Variants in EPPK1 observed in about 807,000 individuals in gnomAD.
The protein encoded by EPPK1 is epiplakin 1.
For missense variants in EPPK1, 3,823 were observed against 3,673.3 expected, an observed-to-expected ratio of 1.04 and a Z score of -1.05; for synonymous variants, 1,862 against 1,721.2, an observed-to-expected ratio of 1.08 and a Z score of -2.03.
rs782588321 is a variant in EPPK1 at position 143,872,231 on chromosome 8, C to G, written c.1023G>C (p.Glu341Asp). The change falls in exon 2 of 2, where the codon GAG becomes GAC. Residue 341 changes from glutamate (E) to aspartate (D), a missense_variant. Transcript: ENST00000615648. Reference protein sequence around the residue: ...PITGQRLWVDEAVRAGLVSPE... With the variant: ...PITGQRLWVDDAVRAGLVSPE... ...GGCTGACCAGGCCCGCCCTGACTGC[C>G]TCGTCTACCCACAGCCGCTGGCCTG... 5.0e-6 allele frequency: 8 copies of G among 1,609,598 alleles called. No homozygotes were observed. The highest frequency in any genetic ancestry group is 5.9e-6 in the Non-Finnish European group (7 of 1,178,526).
Position 143,871,803 on chromosome 8 carries a change from T to C in EPPK1, c.1451A>G (p.Lys484Arg). The C allele has an allele frequency of 1.2e-6, 2 of 1,612,256 alleles. No homozygotes were observed. The highest frequency in any genetic ancestry group is 1.1e-5 in the South Asian group (1 of 91,054). The change falls in exon 2 of 2, where the codon AAG becomes AGG. Residue 484 changes from lysine to arginine, a missense_variant. Transcript: ENST00000615648. The stretch of plus-strand genomic sequence containing the variant: ...GCTCAGGGCCTGCCGAGTGCTGTAC[T>C]TGATGAATGGGGGTCCCTGGGGCTC... ...GGEPQGPPFI[K>R]YSTRQALSTA...
At position 143,869,160 on chromosome 8, in the gene EPPK1, A is replaced by G; in HGVS notation, c.4094T>C (p.Val1365Ala). The change falls in exon 2 of 2, where the codon GTG becomes GCG. Residue 1365 changes from valine to alanine, a missense_variant. Val to Ala is a moderately conservative substitution (Grantham distance 64). Transcript: ENST00000615648. ...LLQVQLATGG[V>A]VDPVHGVHLP... ...GTGCACCCCGTGGACAGGGTCCACCACACCCCCTGTGGCCAGCTGCACCTG... is the reference window on the plus strand; with the variant it reads ...GTGCACCCCGTGGACAGGGTCCACCGCACCCCCTGTGGCCAGCTGCACCTG... The G allele has an allele frequency of 6.2e-7, 1 of 1,607,190 alleles. No homozygotes were observed.
In EPPK1 at chr8:143,869,656, G is replaced by A. The variant is rs782015228; in HGVS notation, c.3598C>T (p.Arg1200Trp). Residue 1200 changes from arginine (R) to tryptophan (W), a missense_variant, in exon 2 of 2, where the codon CGG becomes TGG. Arg to Trp is a moderately radical substitution (Grantham distance 101). Coordinates refer to ENST00000615648, the MANE Select transcript of EPPK1 (RefSeq NM_031308.4). ...AGCCAGACAGCGGGTACCTCACCCC[G>A]TGGGCCGGGCACCATGACGCGGGCC... Reference protein sequence around the residue: ...AQARVMVPGPRGEVPAVWLLD... With the variant: ...AQARVMVPGPWGEVPAVWLLD... 4.3e-5 allele frequency: 69 copies of A among 1,593,564 alleles called. No individual in the cohort carries two copies. The highest frequency in any genetic ancestry group is 5.2e-5 in the Admixed American group (3 of 57,266).
chr8:143,878,120 C>T (rs949573199), intron 1 of EPPK1, among the ~76,000 whole-genome samples: 15 of 152,068 alleles, frequency 9.9e-5, no homozygotes, highest in Non-Finnish European at 2.1e-4. Context: ...GCGAGACCCC[C>T]GCCCCTGGCC....
chr8:143,869,603 C>A lies in EPPK1; in HGVS notation c.3651G>T (p.Glu1217Asp). 1.3e-6 allele frequency: 2 copies of A among 1,571,160 alleles called. No individual in the cohort carries two copies. Among genetic ancestry groups the A allele is most frequent in the Non-Finnish European group, 1.7e-6 (2 of 1,158,884 alleles). ...TGCCCTGAGCCAGGGCCTCAAGGGT[C>A]TCCTGGGTGATGATGCCAGCATCCA... ...WLLDAGIITQETLEALAQGTQ... is the reference protein window; with the variant it reads ...WLLDAGIITQDTLEALAQGTQ... The change falls in exon 2 of 2, where the codon GAG becomes GAT. Residue 1217 changes from glutamate (E) to aspartate (D), a missense_variant. Physicochemically the swap from Glu to Asp is conservative, Grantham distance 45. Transcript: ENST00000615648.
Position 143,870,157 on chromosome 8 carries a change from A to T in EPPK1, c.3097T>A (p.Trp1033Arg). 1 of 1,611,700 alleles carries T rather than the reference A, an allele frequency of 6.2e-7. No individual in the cohort carries two copies. Residue 1033 changes from tryptophan (W) to arginine (R), a missense_variant, in exon 2 of 2, where the codon TGG (tryptophan) becomes AGG (arginine). Coordinates refer to ENST00000615648, the MANE Select transcript of EPPK1 (RefSeq NM_031308.4). The surrounding 1 kb of genome is among the most constrained non-coding windows in gnomAD (Gnocchi z 5.2). ...TCCAGGAGGCGGGCAGCTTGCTCCC[A>T]AGGGATGAGACCTTTCTTCATGGCC... ...FQAMKKGLIPWEQAARLLEAQ... is the reference protein window; with the variant it reads ...FQAMKKGLIPREQAARLLEAQ...
At position 143,857,937 on chromosome 8, in the gene EPPK1, T is replaced by C. The variant is rs781910916; in HGVS notation, c.*50A>G. ...AAAAAAAACAACCCAGACACACAAG[T>C]ATGCCTCCACTTCTCCAGAGTTGCA... On this transcript the variant is annotated 3_prime_UTR_variant, in exon 2 of 2. Transcript: ENST00000615648. The C allele has an allele frequency of 1.9e-5, 18 of 963,850 alleles. No individual in the cohort carries two copies. The South Asian group carries it at 2.9e-4, about 15-fold the overall frequency. The allele number at this position is 963,850 out of a possible 1,614,324, so 59.7% of individuals were successfully genotyped here. A position where few individuals can be genotyped will look rare whatever the true frequency, so the allele number is the denominator to read the frequency against.
chr8:143,878,992 C>G (rs1251668070), upstream of EPPK1, among the ~76,000 whole-genome samples: 1 of 152,176 alleles, frequency 6.6e-6, no homozygotes, highest in African/African-American at 2.4e-5. Context: ...CCAGGCCTCA[C>G]CCCCCGGTCT....
rs527426162 is a variant in EPPK1, at chr8:143,871,870, C to A, written c.1384G>T (p.Gly462Trp). ...LALCVTDPET[G>W]LAFLPLSGGP... is the part of the protein sequence containing the mutation. ...CCTGAGAGTGGCAGGAAGGCAAGCC[C>A]GGTCTCTGGGTCGGTGACACAGAGG... Residue 462 changes from glycine (G) to tryptophan (W), a missense_variant, in exon 2 of 2, where the codon GGG becomes TGG. Physicochemically the swap from Gly to Trp is radical, Grantham distance 184. Coordinates refer to ENST00000615648, the MANE Select transcript of EPPK1 (RefSeq NM_031308.4). 2 of 1,610,796 alleles carry A rather than the reference C, an allele frequency of 1.2e-6. No individual in the cohort carries two copies. The highest frequency in any genetic ancestry group is 2.2e-5 in the East Asian group (1 of 44,876).
chr8:143,872,710 G>C lies in EPPK1; in HGVS notation c.544C>G (p.Arg182Gly), dbSNP rs781975171. 15 of 1,596,254 alleles carry C rather than the reference G, an allele frequency of 9.4e-6. No homozygotes were observed. In the Admixed American group the frequency reaches 1.0e-4, roughly 11 times the overall value. Residue 182 changes from arginine (R) to glycine (G), a missense_variant, in exon 2 of 2, where the codon CGG becomes GGG. Physicochemically the swap from Arg to Gly is moderately radical, Grantham distance 125 (BLOSUM62 -2). Coordinates refer to ENST00000615648, the MANE Select transcript of EPPK1 (RefSeq NM_031308.4). The stretch of plus-strand genomic sequence containing the variant: ...TCTGACAGCTTGTGCCATGTCTCCC[G>C]GTCCAGGAGGCCCTGGTGGCAGGCT... ...EPACHQGLLD[R>G]ETWHKLSELE...
Position 143,867,008 on chromosome 8 carries a change from C to T in EPPK1, c.6246G>A (p.Leu2082=). The T allele has an allele frequency of 6.2e-7, 1 of 1,612,878 alleles. No individual in the cohort carries two copies. The highest frequency in any genetic ancestry group is 1.7e-5 in the Admixed American group (1 of 60,034). ...CCCGTGCAGCCTTGTTCACTGGGAACAGCAGCCAGCCCGTGTCCTCTTGTG... is the reference window on the plus strand; with the variant it reads ...CCCGTGCAGCCTTGTTCACTGGGAATAGCAGCCAGCCCGTGTCCTCTTGTG... The part of the protein sequence containing the change: ...CRPQEDTGWL[L]FPVNKAARDS... The change falls in exon 2 of 2, where the codon CTG becomes CTA. Residue 2082 remains leucine (L), a synonymous_variant. Transcript: ENST00000615648.
Position 143,870,156 on chromosome 8 carries a change from C to T in EPPK1, c.3098G>A (p.Trp1033Ter). 1 of 1,611,766 alleles carries T rather than the reference C, an allele frequency of 6.2e-7. No homozygotes were observed. The highest frequency in any genetic ancestry group is 1.1e-5 in the South Asian group (1 of 90,880). The change falls in exon 2 of 2, where the codon TGG becomes TAG. Residue 1033 changes from tryptophan (W) to a stop codon, truncating the protein, a stop_gained. Transcript: ENST00000615648. LOFTEE classifies it low-confidence loss of function (END_TRUNC). This position sits in a 1 kb window ranked among gnomAD's most constrained non-coding sequence, Gnocchi z 5.2. ...CTCCAGGAGGCGGGCAGCTTGCTCC[C>T]AAGGGATGAGACCTTTCTTCATGGC... ...FQAMKKGLIPWEQAARLLEAQ... is the reference protein window; with the variant it reads ...FQAMKKGLIP
At position 143,857,873 on chromosome 8, in the gene EPPK1, A is replaced by C; in HGVS notation, c.*114T>G. 1.2e-6 allele frequency: 1 copy of C among 814,144 alleles called. No homozygotes were observed. The highest frequency in any genetic ancestry group is 1.8e-6 in the Non-Finnish European group (1 of 550,844). 50.4% of individuals were successfully genotyped at this position (814,144 alleles called of 1,614,324 possible). A position where few individuals can be genotyped will look rare whatever the true frequency, so the allele number is the denominator to read the frequency against. ...CGTTTTCCACAGATAACGAATGGGTAAAACAACAAAATTAAAGAATGACAA... is the reference window on the plus strand; with the variant it reads ...CGTTTTCCACAGATAACGAATGGGTCAAACAACAAAATTAAAGAATGACAA... On this transcript the variant is annotated 3_prime_UTR_variant, in exon 2 of 2. Transcript: ENST00000615648.
In EPPK1 at chr8:143,867,232, CCAGCAGCCTCAG is replaced by C. The variant is rs2130622944; in HGVS notation, c.6010_6021del (p.Leu2004_Leu2007del). Reference sequence around the variant, plus strand: ...ACACCCCCCGTGGCCACCTGCACCTCCAGCAGCCTCAGTGCCTCCGCCTTCTCGATGAGCTGC... The same window carrying C: ...ACACCCCCCGTGGCCACCTGCACCTCTGCCTCCGCCTTCTCGATGAGCTGC... On this transcript the variant is annotated inframe_deletion, in exon 2 of 2. Transcript: ENST00000615648. The C allele has an allele frequency of 6.2e-7, 1 of 1,612,758 alleles. No individual in the cohort carries two copies. The highest frequency in any genetic ancestry group is 2.2e-5 in the East Asian group (1 of 44,884).
Position 143,857,915 on chromosome 8 carries a change from A to AAC in EPPK1, c.*71_*72insGT. On this transcript the variant is annotated 3_prime_UTR_variant, in exon 2 of 2. Transcript: ENST00000615648. ...GAATGACAAAAAAAAAAAAAAAAAA[A>AAC]AAAACAACCCAGACACACAAGTATG... 1.2e-6 allele frequency: 1 copy of AAC among 834,310 alleles called. No individual in the cohort carries two copies. Among genetic ancestry groups the AAC allele is most frequent in the East Asian group, 3.0e-5 (1 of 33,484 alleles). 51.7% of individuals were successfully genotyped at this position (834,310 alleles called of 1,614,324 possible). A position where few individuals can be genotyped will look rare whatever the true frequency, so the allele number is the denominator to read the frequency against.
rs1313446710 is a variant in EPPK1 at position 143,867,866 on chromosome 8, G to C, written c.5388C>G (p.Phe1796Leu). The change falls in exon 2 of 2, where the codon TTC (phenylalanine) becomes TTG (leucine). Residue 1796 changes from phenylalanine to leucine, a missense_variant. Coordinates refer to ENST00000615648, the MANE Select transcript of EPPK1 (RefSeq NM_031308.4). ...AGTATGGAGAGGACAGCAGGTCCCA[G>C]AAAGAGACCACCTGGTCAGCAAACC... The part of the protein sequence containing the change: ...VGRFADQVVS[F>L]WDLLSSPYFT... 1 of 1,613,112 alleles carries C rather than the reference G, an allele frequency of 6.2e-7. No individual in the cohort carries two copies. Among genetic ancestry groups the C allele is most frequent in the African/African-American group, 1.3e-5 (1 of 74,898 alleles).
rs782411360 is a variant in EPPK1, at chr8:143,871,011, T to G, written c.2243A>C (p.Tyr748Ser). Residue 748 changes from tyrosine (Y) to serine (S), a missense_variant, in exon 2 of 2, where the codon TAC (tyrosine) becomes TCC (serine). Physicochemically the swap from Tyr to Ser is moderately radical, Grantham distance 144. Transcript: ENST00000615648. ...VPVDVAYRRG[Y>S]FDQMLNLILL... ...GATCAAGTTCAGCATCTGATCGAAGTAGCCGCGCCGGTAGGCCACGTCCAC... is the reference window on the plus strand; with the variant it reads ...GATCAAGTTCAGCATCTGATCGAAGGAGCCGCGCCGGTAGGCCACGTCCAC... 6.2e-7 allele frequency: 1 copy of G among 1,613,228 alleles called. No homozygotes were observed. The highest frequency in any genetic ancestry group is 8.5e-7 in the Non-Finnish European group (1 of 1,179,962).
rs1294506737 is a variant in EPPK1, at chr8:143,857,763, A to G, written c.*224T>C. 3 of 478,592 alleles carry G rather than the reference A, an allele frequency of 6.3e-6. No homozygotes were observed. The highest frequency in any genetic ancestry group is 1.1e-5 in the Non-Finnish European group (3 of 276,474). 29.6% of individuals were successfully genotyped at this position (478,592 alleles called of 1,614,324 possible). A position where few individuals can be genotyped will look rare whatever the true frequency, so the allele number is the denominator to read the frequency against. On this transcript the variant is annotated 3_prime_UTR_variant, in exon 2 of 2. Transcript: ENST00000615648. The stretch of plus-strand genomic sequence containing the variant: ...AGAGAAAAGTAAAACCATATGACAC[A>G]TAGACGACCCAGAAAACACACCAAA...
intron 1 of EPPK1, among the ~76,000 whole-genome samples, 185 bp from the exon 2 acceptor site, chr8:143,873,483 G>A (rs1819422857): frequency 6.6e-6 from 1 of 152,030 alleles, no homozygotes; most frequent in South Asian, 2.1e-4. Context: ...CAAGGGAAGT[G>A]CCAGCTCAGA....
Sources: gnomAD v4.1 joint callset for allele counts (sites outside exome capture counted in the v4.1 genomes callset) on GRCh38, gnomAD v4.1.1 for gene constraint, Gnocchi (gnomAD v3.1) non-coding constraint, MANE v1.5 for transcripts, NCBI Gene and HGNC (gene_info 2026-07-23, HGNC 2026-07-21) for gene names.